Variants in CFAP97D2 observed in about 807,000 individuals in gnomAD.
The protein encoded by CFAP97D2 is CFAP97 domain containing 2.
chr13:114,216,877 C>A (rs1286266270), intron 4 of CFAP97D2, among the ~76,000 whole-genome samples: 1 of 152,202 alleles, frequency 6.6e-6, no homozygotes, highest in Non-Finnish European at 1.5e-5. Context: ...CTGTCTTCCA[C>A]AATGGTTGAA....
At chr13:114,195,021 A>G (rs1450965135) in intron 1 of CFAP97D2, among the ~76,000 whole-genome samples, 1 of 152,130 alleles carries the variant, frequency 6.6e-6, no homozygotes, top group Non-Finnish European at 1.5e-5. Flanking sequence ...AGCAGAGGGC[A>G]TTCTTCATGC....
chr13:114,196,353 T>G (rs371660386), intron 1 of CFAP97D2, 43 bp from the exon 2 acceptor site: 116 of 399,506 alleles, frequency 2.9e-4, no homozygotes, highest in African/African-American at 2.3e-3. Context: ...CTCACTCTGT[T>G]TCCAATACTG....
At chr13:114,182,262 C>T (rs182381872) in intron 1 of CFAP97D2, among the ~76,000 whole-genome samples, 3,150 of 151,646 alleles carry the variant, frequency 0.021, 120 homozygotes, top group African/African-American at 0.071. Context: ...TTCTCTCCGC[C>T]CAAACATCTC....
At chr13:114,193,807 G>C (rs1209070368) in intron 1 of CFAP97D2, among the ~76,000 whole-genome samples, 2 of 152,198 alleles carry the variant, frequency 1.3e-5, no homozygotes, top group African/African-American at 4.8e-5. Context: ...GTTGGCAAAT[G>C]TGTTTGTAGA....
intron 4 of CFAP97D2, among the ~76,000 whole-genome samples, chr13:114,219,979 GC>G (rs2138792086): frequency 1.4e-5 from 2 of 139,984 alleles, no homozygotes; most frequent in East Asian, 4.2e-4. Context: ...TCTCGGTGGT[GC>G]TTCCCCACCT....
intron 1 of CFAP97D2, among the ~76,000 whole-genome samples, chr13:114,182,411 C>T (rs1308992040): frequency 4.6e-5 from 7 of 152,106 alleles, no homozygotes; most frequent in South Asian, 2.1e-4. Context: ...CAGGGGCAGG[C>T]AGGAGACAGT....
At chr13:114,202,044 G>T (rs1485679341) in intron 3 of CFAP97D2, among the ~76,000 whole-genome samples, 2 of 152,176 alleles carry the variant, frequency 1.3e-5, no homozygotes, top group African/African-American at 4.8e-5. Flanking sequence ...ACCACCCTCT[G>T]CCCATCGAAG....
intron 2 of CFAP97D2, among the ~76,000 whole-genome samples, chr13:114,197,789 TCTC>T (rs2080894327): frequency 6.9e-6 from 1 of 144,510 alleles, no homozygotes; most frequent in South Asian, 2.1e-4. Context: ...TGCAAGTGAT[TCTC>T]CTGCCTCAGC....
At chr13:114,199,108 G>A (rs1354345435) in intron 2 of CFAP97D2, among the ~76,000 whole-genome samples, 1 of 61,468 alleles carries the variant, frequency 1.6e-5, no homozygotes, top group Non-Finnish European at 2.9e-5. Context: ...GAGGCGTGAC[G>A]GCGCGTCCCC....
chr13:114,214,835 C>G (rs1413212718), intron 4 of CFAP97D2, among the ~76,000 whole-genome samples: 1 of 152,208 alleles, frequency 6.6e-6, no homozygotes, highest in East Asian at 1.9e-4. Context: ...ATGTATCATA[C>G]AAATAGTTTC....
rs369393954 is a variant in CFAP97D2 at position 114,198,693 on chromosome 13, C to A, written c.172-1632C>A. On this transcript the variant is annotated intron_variant, in intron 2 of 4. Transcript: ENST00000646158. ...TGAGGCGTGACAGTGGGTCCCCGTG[C>A]GTACGGTCCCCGCTGAGGGGTGACG... 5.1e-5 allele frequency among the ~76,000 whole-genome samples: 3 copies of A among 59,038 alleles called. 1 individual carries two copies. Among genetic ancestry groups the A allele is most frequent in the Non-Finnish European group, 9.4e-5 (3 of 31,908 alleles). 38.7% of individuals were successfully genotyped at this position (59,038 alleles called of 152,430 possible).
intron 3 of CFAP97D2, among the ~76,000 whole-genome samples, chr13:114,209,773 A>G (rs1033029947): frequency 6.6e-6 from 1 of 152,198 alleles, no homozygotes; most frequent in Non-Finnish European, 1.5e-5. Flanking sequence ...CTGTCTTCCC[A>G]CTGAATCTCA....
intron 4 of CFAP97D2, among the ~76,000 whole-genome samples, chr13:114,221,201 C>T (rs562994807): frequency 1.6e-4 from 25 of 152,298 alleles, no homozygotes; most frequent in African/African-American, 5.8e-4. Flanking sequence ...GAGCCGACAT[C>T]GCGCCACTGC....
At position 114,185,559 on chromosome 13, in the gene CFAP97D2, T is replaced by G. The variant is rs1298375321; in HGVS notation, c.90+6139T>G. On this transcript the variant is annotated intron_variant, in intron 1 of 4. Coordinates refer to ENST00000646158, the Ensembl canonical transcript of CFAP97D2. This position sits in a 1 kb window ranked among gnomAD's most constrained non-coding sequence, Gnocchi z 5.2. ...GCGGACCCAGGCATGTGTGTGGTTC[T>G]GCACTCTCAGGAGCCCAGGAAGGCC... Among the ~76,000 whole-genome samples, 1 of 152,202 alleles carries G rather than the reference T, an allele frequency of 6.6e-6. No homozygotes were observed. The highest frequency in any genetic ancestry group is 1.5e-5 in the Non-Finnish European group (1 of 68,028).
At chr13:114,220,912 G>A (rs1047915538) in intron 4 of CFAP97D2, among the ~76,000 whole-genome samples, 1 of 152,194 alleles carries the variant, frequency 6.6e-6, no homozygotes, top group Non-Finnish European at 1.5e-5. Context: ...TGGACCTCAC[G>A]TCAGGGTTAA....
At chr13:114,195,867 C>G (rs1262130523) in intron 1 of CFAP97D2, among the ~76,000 whole-genome samples, 1 of 149,442 alleles carries the variant, frequency 6.7e-6, no homozygotes, top group Non-Finnish European at 1.5e-5. Context: ...GTCAGAAAAT[C>G]GAGACCATCC....
rs140481201 is a variant in CFAP97D2 at position 114,220,745 on chromosome 13, G to A, written c.481-1753G>A. 3.2e-3 allele frequency among the ~76,000 whole-genome samples: 492 copies of A among 152,350 alleles called. 3 individuals are homozygous for A. Among genetic ancestry groups the A allele is most frequent in the Middle Eastern group, 0.01 (3 of 294 alleles). On this transcript the variant is annotated intron_variant, in intron 4 of 4. Coordinates refer to ENST00000646158, the Ensembl canonical transcript of CFAP97D2. ...ATGATCTCCAGGAGCAAAATTAGCT[G>A]TTTAAATAATCGGCTGACTCAGTGC... is the stretch of plus-strand genomic sequence containing the variant.
At position 114,185,407 on chromosome 13, in the gene CFAP97D2, G is replaced by C. The variant is rs920506284; in HGVS notation, c.90+5987G>C. On this transcript the variant is annotated intron_variant, in intron 1 of 4. Coordinates refer to ENST00000646158, the Ensembl canonical transcript of CFAP97D2. The surrounding 1 kb of genome is among the most constrained non-coding windows in gnomAD (Gnocchi z 5.2). ...CCTGGAACCCCCACCCCGGCTGTGA[G>C]GAGGCATGGCCAGGGCTGCACACTC... 6.6e-6 allele frequency among the ~76,000 whole-genome samples: 1 copy of C among 152,334 alleles called. No individual in the cohort carries two copies. The highest frequency in any genetic ancestry group is 1.5e-5 in the Non-Finnish European group (1 of 68,022).
rs186927659 is a variant in CFAP97D2 at position 114,189,658 on chromosome 13, C to T, written c.91-6738C>T. The stretch of plus-strand genomic sequence containing the variant: ...TGGGATTCATTCCAGGTATGCAAGG[C>T]TGGCTCATCATTCAAAAATCAATGT... On this transcript the variant is annotated intron_variant, in intron 1 of 4. Coordinates refer to ENST00000646158, the Ensembl canonical transcript of CFAP97D2. The surrounding 1 kb of genome is among the most constrained non-coding windows in gnomAD (Gnocchi z 4.5). Among the ~76,000 whole-genome samples the T allele has an allele frequency of 4.0e-4, 61 of 152,246 alleles. 1 individual carries two copies. The highest frequency in any genetic ancestry group is 4.4e-5 in the Non-Finnish European group (3 of 68,018).
Sources: allele counts gnomAD v4.1 joint callset (sites outside exome capture counted in the v4.1 genomes callset), GRCh38; gene constraint gnomAD v4.1.1; non-coding constraint Gnocchi (gnomAD v3.1); transcripts MANE v1.5; gene names NCBI Gene and HGNC (gene_info 2026-07-23, HGNC 2026-07-21).